Variants in IL36B observed in about 807,000 individuals in gnomAD.
The protein encoded by IL36B is interleukin 36 beta, also known as interleukin-36 beta.
A neutral mutation model predicts 19.3 loss-of-function variants in IL36B; 23 were observed. The observed-to-expected ratio is 1.19, with a 90% CI of 0.86 to 1.69. IL36B has a LOEUF of 1.69. Among genes scored for constraint, IL36B ranks in the 40% most tolerant of loss-of-function variants. IL36B has a pLI of 0.00. For synonymous variants in IL36B, 59 were observed against 59.7 expected, an observed-to-expected ratio of 0.99 and a Z score of 0.05; for missense variants, 217 against 200.5, an observed-to-expected ratio of 1.08 and a Z score of -0.50.
intron 5 of IL36B, among the ~76,000 whole-genome samples, chr2:113,023,275 T>G (rs914876395): frequency 1.3e-5 from 2 of 152,226 alleles, no homozygotes; most frequent in Non-Finnish European, 2.9e-5. Flanking sequence ...ACATATTTGT[T>G]GAATAATTCA....
intron 3 of IL36B, among the ~76,000 whole-genome samples, chr2:113,029,961 G>A (rs574708266): frequency 4.6e-5 from 7 of 152,278 alleles, no homozygotes; most frequent in African/African-American, 1.4e-4. Context: ...GGCCAGGTGC[G>A]GTGGCTCACG....
intron 1 of IL36B, among the ~76,000 whole-genome samples, chr2:113,050,898 T>G (rs1444613646): frequency 2.6e-5 from 4 of 152,050 alleles, no homozygotes; most frequent in African/African-American, 9.7e-5. Context: ...CAGATCCTTG[T>G]GGAAAGAGAC....
At chr2:113,038,583 G>A (rs1471523491) in intron 1 of IL36B, among the ~76,000 whole-genome samples, 1 of 152,300 alleles carries the variant, frequency 6.6e-6, no homozygotes, top group Non-Finnish European at 1.5e-5. Flanking sequence ...TGAGATGTGC[G>A]GTTCTGGGTG....
chr2:113,029,146 C>G, intron 3 of IL36B, 68 bp from the exon 4 acceptor site: 1 of 1,505,724 alleles, frequency 6.6e-7, no homozygotes, highest in Admixed American at 1.8e-5. Context: ...TTACTCCCCC[C>G]AGGTAGGGAA....
intron 1 of IL36B, among the ~76,000 whole-genome samples, chr2:113,045,779 G>A (rs1387919889): frequency 6.6e-6 from 1 of 152,066 alleles, no homozygotes; most frequent in Non-Finnish European, 1.5e-5. Context: ...TCCAGACATG[G>A]CAGTTTTTAC....
chr2:113,050,345 CAAA>C (rs79717470), intron 1 of IL36B, among the ~76,000 whole-genome samples: 25,247 of 146,008 alleles, frequency 0.17, 3,186 homozygotes, highest in African/African-American at 0.36. Context: ...AAACTAATAA[CAAA>C]AAAAAAAAAA....
chr2:113,026,447 T>C (rs1278366900), intron 4 of IL36B, among the ~76,000 whole-genome samples: 1 of 152,090 alleles, frequency 6.6e-6, no homozygotes, highest in Non-Finnish European at 1.5e-5. Context: ...GGCTGAGAAA[T>C]TGGAACTTAG....
At chr2:113,049,962 A>T (rs1439225098) in intron 1 of IL36B, among the ~76,000 whole-genome samples, 1 of 152,212 alleles carries the variant, frequency 6.6e-6, no homozygotes, top group Non-Finnish European at 1.5e-5. Context: ...TCTAAAAAAA[A>T]AAAAAAGAAT....
chr2:113,023,886 T>C (rs1205630552), intron 5 of IL36B, among the ~76,000 whole-genome samples: 1 of 152,176 alleles, frequency 6.6e-6, no homozygotes, highest in East Asian at 1.9e-4. Flanking sequence ...CATTAGATCA[T>C]CAACAACGTT....
At chr2:113,030,942 C>T (rs1227796099) in intron 3 of IL36B, 106 bp downstream of exon 3, 2 of 767,874 alleles carry the variant, frequency 2.6e-6, no homozygotes, top group Non-Finnish European at 4.6e-6. Flanking sequence ...TGGGCTGGTG[C>T]CTAGAAGTGG....
At chr2:113,035,000 A>G (rs1298234880) in intron 1 of IL36B, among the ~76,000 whole-genome samples, 1 of 152,238 alleles carries the variant, frequency 6.6e-6, no homozygotes, top group Non-Finnish European at 1.5e-5. Context: ...TCCCAGCACC[A>G]GCAGAGCCTA....
Position 113,026,327 on chromosome 2 carries a change from C to T in IL36B, c.262-95G>A. 1.9e-6 allele frequency: 3 copies of T among 1,559,664 alleles called. No individual in the cohort carries two copies. The South Asian group carries it at 3.6e-5, about 18-fold the overall frequency. The stretch of plus-strand genomic sequence containing the variant: ...GCACGGCAATGACTGGAGTAAAAGG[C>T]CTGCATACAGCATGTAAGGTGGGGT... On this transcript the variant is annotated intron_variant, in intron 4 of 5. Coordinates refer to ENST00000259213, the MANE Select transcript of IL36B (RefSeq NM_014438.5).
chr2:113,039,489 C>A (rs910195489), intron 1 of IL36B, among the ~76,000 whole-genome samples: 2 of 152,172 alleles, frequency 1.3e-5, no homozygotes, highest in African/African-American at 2.4e-5. Context: ...GATTTCTCAT[C>A]TGAAGAGGCC....
At chr2:113,027,616 T>TG in intron 4 of IL36B, 2 of 1,234,048 alleles carry the variant, frequency 1.6e-6, no homozygotes. Flanking sequence ...AAGCAGCATT[T>TG]GGGGGGTTGA....
Position 113,022,700 on chromosome 2 carries a change from T to C in IL36B, c.469A>G (p.Asn157Asp). 6.2e-7 allele frequency: 1 copy of C among 1,610,864 alleles called. No homozygotes were observed. The highest frequency in any genetic ancestry group is 2.2e-5 in the East Asian group (1 of 44,866). ...TACATCCTTCCTGGCATTCCTATGTTGGTCCGCATGGATGAGAAATCTTTG... is the reference window on the plus strand; with the variant it reads ...TACATCCTTCCTGGCATTCCTATGTCGGTCCGCATGGATGAGAAATCTTTG... Residue 157 changes from asparagine (N) to aspartate (D), a missense_variant, in exon 6 of 6, where the codon AAC (asparagine) becomes GAC (aspartate). Transcript: ENST00000259213.
chr2:113,022,519 A>G lies in IL36B; in HGVS notation c.*155T>C. 1.7e-6 allele frequency: 1 copy of G among 580,306 alleles called. No individual in the cohort carries two copies. The highest frequency in any genetic ancestry group is 3.1e-6 in the Non-Finnish European group (1 of 326,118). 35.9% of individuals were successfully genotyped at this position (580,306 alleles called of 1,614,324 possible). ...TTCTCTAGCTTTACAGGTAAGATTT[A>G]CCAACTCTTTAAAAATACATAGTGT... On this transcript the variant is annotated 3_prime_UTR_variant, in exon 6 of 6. Coordinates refer to ENST00000259213, the MANE Select transcript of IL36B (RefSeq NM_014438.5).
intron 1 of IL36B, among the ~76,000 whole-genome samples, chr2:113,042,245 C>T (rs1476006326): frequency 6.6e-6 from 1 of 152,154 alleles, no homozygotes; most frequent in African/African-American, 2.4e-5. Flanking sequence ...TATTCAGGGA[C>T]ACATAATAGG....
At chr2:113,034,300 G>T (rs1262832459) in intron 1 of IL36B, among the ~76,000 whole-genome samples, 1 of 152,044 alleles carries the variant, frequency 6.6e-6, no homozygotes, top group African/African-American at 2.4e-5. Flanking sequence ...GCCTTCCCCA[G>T]GTCAACAAGT....
In IL36B at chr2:113,049,713, C is replaced by T. The variant is rs150372997; in HGVS notation, c.-58+3104G>A. On this transcript the variant is annotated intron_variant, in intron 1 of 5. Transcript: ENST00000259213. ...CTTATGCCTGTAATCCCAGCACTTT[C>T]GGAGGCCGAGGTGGGCGGACCACCT... Among the ~76,000 whole-genome samples the T allele has an allele frequency of 5.5e-3, 843 of 152,132 alleles. 2 individuals carry two copies. Among genetic ancestry groups the T allele is most frequent in the Middle Eastern group, 0.017 (5 of 294 alleles).
Sources: allele counts gnomAD v4.1 joint callset (sites outside exome capture counted in the v4.1 genomes callset), GRCh38; gene constraint gnomAD v4.1.1; transcripts MANE v1.5; gene names NCBI Gene and HGNC (gene_info 2026-07-23, HGNC 2026-07-21).